Variants in CERS6 observed in about 807,000 individuals in gnomAD.
The protein encoded by CERS6 is LAG1 homolog, ceramide synthase 6.
In CERS6, 26 loss-of-function variants were observed where a neutral mutation model predicts 56.8. The observed-to-expected ratio is 0.46, with a 90% CI of 0.34 to 0.63. The LOEUF is 0.63. CERS6 is among the 30% of genes least tolerant of loss of function. The pLI, the probability that CERS6 is intolerant of heterozygous loss-of-function variation, is 0.01. For synonymous variants in CERS6, 164 were observed against 173.3 expected, an observed-to-expected ratio of 0.95 and a Z score of 0.42; for missense variants, 415 against 467.5, an observed-to-expected ratio of 0.89 and a Z score of 1.04.
chr2:168,600,811 T>C (rs778587271), intron 3 of CERS6, among the ~76,000 whole-genome samples: 9 of 152,190 alleles, frequency 5.9e-5, no homozygotes, highest in Non-Finnish European at 1.2e-4. Context: ...AATCTTAGGA[T>C]TGAATTAAAT....
At chr2:168,548,915 T>C (rs1695514543) in intron 2 of CERS6, among the ~76,000 whole-genome samples, 1 of 152,202 alleles carries the variant, frequency 6.6e-6, no homozygotes. Context: ...TATGGGGTAA[T>C]TTCAGATTGC....
intron 1 of CERS6, among the ~76,000 whole-genome samples, chr2:168,472,522 A>G (rs1693995768): frequency 3.3e-5 from 5 of 152,052 alleles, no homozygotes; most frequent in South Asian, 2.1e-4. Context: ...ATGCTTAGAT[A>G]TGTGTGTGTG....
chr2:168,751,313 A>G (rs537738033), intron 8 of CERS6, among the ~76,000 whole-genome samples: 2 of 152,288 alleles, frequency 1.3e-5, no homozygotes, highest in South Asian at 4.1e-4. Context: ...GTACTTTTTT[A>G]TGACCCAGAT....
At chr2:168,543,976 A>G (rs1212084996) in intron 1 of CERS6, among the ~76,000 whole-genome samples, 1 of 152,226 alleles carries the variant, frequency 6.6e-6, no homozygotes, top group Non-Finnish European at 1.5e-5. Context: ...TGGAAAAGAT[A>G]GTAAGGGTAC....
intron 4 of CERS6, among the ~76,000 whole-genome samples, chr2:168,657,402 A>T (rs923464398): frequency 1.3e-5 from 2 of 152,282 alleles, no homozygotes; most frequent in Non-Finnish European, 2.9e-5. Flanking sequence ...CCGGGGCTGC[A>T]GGTGGAGCTG....
intron 3 of CERS6, among the ~76,000 whole-genome samples, chr2:168,619,376 G>C (rs762979761): frequency 7.9e-5 from 12 of 152,062 alleles, no homozygotes; most frequent in Non-Finnish European, 4.4e-5. Flanking sequence ...TTAAACTAAA[G>C]AACTTTTGCA....
intron 1 of CERS6, among the ~76,000 whole-genome samples, chr2:168,480,160 A>G (rs1694153506): frequency 6.6e-6 from 1 of 152,202 alleles, no homozygotes; most frequent in Non-Finnish European, 1.5e-5. Context: ...TGTGAGAGAA[A>G]TGGATATGGA....
intron 2 of CERS6, among the ~76,000 whole-genome samples, chr2:168,555,083 T>A (rs1171042731): frequency 6.6e-6 from 1 of 152,046 alleles, no homozygotes; most frequent in Non-Finnish European, 1.5e-5. Context: ...GGGGGTACAT[T>A]TATAATCCTA....
intron 3 of CERS6, among the ~76,000 whole-genome samples, chr2:168,578,139 G>A (rs1291111861): frequency 6.6e-6 from 1 of 151,964 alleles, no homozygotes; most frequent in Non-Finnish European, 1.5e-5. Context: ...GCATTTGTCA[G>A]ACCAGGCTGT....
chr2:168,709,214 C>G (rs2105381705), intron 6 of CERS6, among the ~76,000 whole-genome samples: 1 of 152,230 alleles, frequency 6.6e-6, no homozygotes, highest in East Asian at 1.9e-4. Flanking sequence ...GGAATTTTAC[C>G]TGTACCCAGG....
chr2:168,573,481 T>G (rs10460310), intron 3 of CERS6, among the ~76,000 whole-genome samples: 2,868 of 152,298 alleles, frequency 0.019, 129 homozygotes, highest in East Asian at 0.18. Flanking sequence ...TTACAATTTA[T>G]ATTATTTTTA....
At chr2:168,531,811 ACT>A (rs1695172965) in intron 1 of CERS6, among the ~76,000 whole-genome samples, 1 of 146,016 alleles carries the variant, frequency 6.8e-6, no homozygotes, top group Non-Finnish European at 1.5e-5. Context: ...ACAGAGCGAG[ACT>A]CTGTCTCAAA....
intron 4 of CERS6, among the ~76,000 whole-genome samples, chr2:168,652,258 A>T (rs1443590614): frequency 6.6e-6 from 1 of 152,176 alleles, no homozygotes; most frequent in Non-Finnish European, 1.5e-5. Flanking sequence ...CCCTGCTGCC[A>T]GTTGACCTCC....
chr2:168,568,244 A>G (rs1695919011), intron 3 of CERS6, among the ~76,000 whole-genome samples: 2 of 152,330 alleles, frequency 1.3e-5, no homozygotes, highest in East Asian at 3.9e-4. Flanking sequence ...TTTTTAAATA[A>G]TATTTTTTTC....
rs1241306267 is a variant in CERS6, at chr2:168,771,763, GAAT to G, written c.*2105_*2107del. ...GATCATATGACACTCGAGCACAGAA[GAAT>G]AATTTCAAGGAGGTCATCTTGTAAA... On this transcript the variant is annotated 3_prime_UTR_variant, in exon 10 of 10. Transcript: ENST00000305747. 6.6e-6 allele frequency: 1 copy of G among 152,162 alleles called. No homozygotes were observed. The highest frequency in any genetic ancestry group is 2.4e-5 in the African/African-American group (1 of 41,436). 9.4% of individuals were successfully genotyped at this position (152,162 alleles called of 1,614,324 possible).
At chr2:168,514,633 G>A (rs62175797) in intron 1 of CERS6, among the ~76,000 whole-genome samples, 2,740 of 152,284 alleles carry the variant, frequency 0.018, 38 homozygotes, top group Non-Finnish European at 0.028. Flanking sequence ...TAAATCAGAT[G>A]TTATAGACGA....
intron 3 of CERS6, among the ~76,000 whole-genome samples, chr2:168,599,861 C>T (rs1157810759): frequency 1.3e-5 from 2 of 152,106 alleles, no homozygotes; most frequent in African/African-American, 4.8e-5. Context: ...TAGAGATGAG[C>T]TATTTGCCTT....
At chr2:168,652,706 A>G (rs1255234119) in intron 4 of CERS6, among the ~76,000 whole-genome samples, 1 of 152,228 alleles carries the variant, frequency 6.6e-6, no homozygotes, top group East Asian at 1.9e-4. Flanking sequence ...GAATAAACCA[A>G]TTTATTACTA....
intron 4 of CERS6, among the ~76,000 whole-genome samples, chr2:168,632,718 A>G (rs560100657): frequency 6.6e-6 from 1 of 152,336 alleles, no homozygotes; most frequent in South Asian, 2.1e-4. Context: ...CTACCTTGGA[A>G]GAGGAAACAG....
Sources: gnomAD v4.1 joint callset for allele counts (sites outside exome capture counted in the v4.1 genomes callset) on GRCh38, gnomAD v4.1.1 for gene constraint, MANE v1.5 for transcripts, NCBI Gene and HGNC (gene_info 2026-07-23, HGNC 2026-07-21) for gene names.